METTL21C: variants seen among roughly 807,000 people sequenced by gnomAD.
The protein encoded by METTL21C is protein-lysine methyltransferase METTL21C.
In METTL21C, 21 loss-of-function variants were observed where a neutral mutation model predicts 25.9. That is an observed-to-expected ratio of 0.81 (90% CI 0.58 to 1.17). The LOEUF (loss-of-function observed/expected upper bound fraction) is 1.17, where lower values mean the gene tolerates loss of function less well. METTL21C is among the 50% of genes most tolerant of loss of function. The pLI is 0.00. For missense variants in METTL21C, 312 were observed against 315.1 expected, an observed-to-expected ratio of 0.99 and a Z score of 0.07; for synonymous variants, 125 against 124.7, an observed-to-expected ratio of 1.00 and a Z score of -0.01.
upstream of METTL21C, among the ~76,000 whole-genome samples, chr13:102,699,165 C>A (rs1403565080): frequency 6.6e-6 from 1 of 152,178 alleles, no homozygotes; most frequent in African/African-American, 2.4e-5. Context: ...GCCCTCCTAC[C>A]CTTCTTCTCA....
At chr13:102,688,390 A>T (rs1467702042) in intron 2 of METTL21C, among the ~76,000 whole-genome samples, 1 of 152,226 alleles carries the variant, frequency 6.6e-6, no homozygotes, top group African/African-American at 2.4e-5. Flanking sequence ...TCAGCCAATT[A>T]CAAACTGAAT....
At position 102,694,932 on chromosome 13, in the gene METTL21C, A is replaced by ACACG. The variant is rs1317626739; in HGVS notation, c.-435_-434insCGTG. Among the ~76,000 whole-genome samples, 2 of 150,414 alleles carry ACACG rather than the reference A, an allele frequency of 1.3e-5. No individual in the cohort carries two copies. Among genetic ancestry groups the ACACG allele is most frequent in the African/African-American group, 4.9e-5 (2 of 40,888 alleles). On this transcript the variant is annotated 5_prime_UTR_variant, in exon 1 of 4. It removes the in-frame stop codon of an upstream open reading frame in the 5' UTR. Transcript: ENST00000267273. ...CACACACACACACACACACACACGC[A>ACACG]CAGTCCTAGCAACATTCAATGGAAT...
the METTL21C span, among the ~76,000 whole-genome samples, chr13:102,703,435 T>C: frequency 6.6e-6 from 1 of 152,260 alleles, no homozygotes; most frequent in Non-Finnish European, 1.5e-5. Flanking sequence ...CTTTTTGTTG[T>C]CTTTCATTAC....
chr13:102,702,228 CAGAA>C, the METTL21C span, among the ~76,000 whole-genome samples: 1,243 of 143,402 alleles, frequency 8.7e-3, 16 homozygotes, highest in African/African-American at 0.033. Context: ...GAGAGAGAGA[CAGAA>C]AGAGAGAGAG....
Position 102,694,900 on chromosome 13 carries a change from T to TCACACACACACACACA in METTL21C, c.-418_-403dup, listed in dbSNP as rs55715774. 7.4e-6 allele frequency among the ~76,000 whole-genome samples: 1 copy of TCACACACACACACACA among 135,486 alleles called. No individual in the cohort carries two copies. Among genetic ancestry groups the TCACACACACACACACA allele is most frequent in the Non-Finnish European group, 1.6e-5 (1 of 64,196 alleles). The allele number at this position is 135,486 out of a possible 152,430, so 88.9% of individuals were successfully genotyped here. ...CTCTCTCTCTCTCTCTCTCTCTCTC[T>TCACACACACACACACA]CACACACACACACACACACACACAC... On this transcript the variant is annotated 5_prime_UTR_variant, in exon 1 of 4. It removes the in-frame stop codon of an upstream open reading frame in the 5' UTR. Coordinates refer to ENST00000267273, the MANE Select transcript of METTL21C (RefSeq NM_001010977.3).
Position 102,686,132 on chromosome 13 carries a change from C to A in METTL21C, c.694G>T (p.Glu232Ter). 3.1e-6 allele frequency: 5 copies of A among 1,614,138 alleles called. No individual in the cohort carries two copies. Among genetic ancestry groups the A allele is most frequent in the Non-Finnish European group, 4.2e-6 (5 of 1,179,974 alleles). ...ACTTGCTTGAATTTATCTAAAAATT[C>A]ATAGTCGGTGCTGAACCTGAATTTG... ...ANKFRFSTDY[E>*]FLDKFKQVFD... is the part of the protein sequence containing the mutation. The change falls in exon 4 of 4, where the codon GAA becomes TAA. Residue 232 changes from glutamate to a stop codon, truncating the protein, a stop_gained. Transcript: ENST00000267273. LOFTEE classifies it high-confidence loss of function.
upstream of METTL21C, among the ~76,000 whole-genome samples, chr13:102,699,795 C>T (rs1444661140): frequency 6.8e-6 from 1 of 146,476 alleles, no homozygotes; most frequent in Non-Finnish European, 1.5e-5. Context: ...TCCAGGGCTG[C>T]TGCAATACCC....
chr13:102,702,035 G>C, the METTL21C span, among the ~76,000 whole-genome samples: 1 of 151,856 alleles, frequency 6.6e-6, no homozygotes, highest in East Asian at 1.9e-4. Flanking sequence ...GTGGTGGCGG[G>C]TGCCTGTAGT....
chr13:102,686,927 TAAAC>T lies in METTL21C; in HGVS notation c.400+9_400+12del, dbSNP rs754997840. 1.0e-4 allele frequency: 161 copies of T among 1,595,958 alleles called. No homozygotes were observed. The highest frequency in any genetic ancestry group is 1.3e-4 in the Non-Finnish European group (148 of 1,163,626). ...AAAGATCTGGATACTAGGTCAGGAATAAACAAACAAACCTAAAATACTGGCCACA... is the reference window on the plus strand; with the variant it reads ...AAAGATCTGGATACTAGGTCAGGAATAAACAAACCTAAAATACTGGCCACA... On this transcript the variant is annotated intron_variant, in intron 3 of 3. Transcript: ENST00000267273.
At chr13:102,704,166 G>T in the METTL21C span, among the ~76,000 whole-genome samples, 1 of 152,112 alleles carries the variant, frequency 6.6e-6, no homozygotes, top group African/African-American at 2.4e-5. Flanking sequence ...AATTTTTAAC[G>T]TCAGAGCGCT....
rs1378280479 is a variant in METTL21C, at chr13:102,692,279, C to A, written c.131-1315G>T. On this transcript the variant is annotated intron_variant, in intron 1 of 3. Transcript: ENST00000267273. ...CTTGGGAGAAACCTGGTCAGCAGGG[C>A]ATCCCTCAGGTCGGGGGCAGGGCCT... Among the ~76,000 whole-genome samples the A allele has an allele frequency of 2.8e-5, 4 of 143,862 alleles. No individual in the cohort carries two copies. In the Admixed American group the frequency reaches 2.9e-4, roughly 10 times the overall value. The allele number at this position is 143,862 out of a possible 152,430, so 94.4% of individuals were successfully genotyped here.
intron 2 of METTL21C, among the ~76,000 whole-genome samples, chr13:102,688,015 G>T (rs558580251): frequency 6.0e-4 from 91 of 152,264 alleles, no homozygotes; most frequent in Admixed American, 1.4e-3. Context: ...GTTATGAGAA[G>T]AAATGACAAA....
intron 1 of METTL21C, among the ~76,000 whole-genome samples, chr13:102,692,321 T>C (rs1432894996): frequency 1.3e-5 from 2 of 152,146 alleles, no homozygotes; most frequent in Admixed American, 6.5e-5. Context: ...GTTTCAGGTC[T>C]CACTCATTCC....
chr13:102,693,841 T>C (rs924311671), intron 1 of METTL21C, among the ~76,000 whole-genome samples: 6 of 152,216 alleles, frequency 3.9e-5, no homozygotes, highest in Non-Finnish European at 7.3e-5. Context: ...TTGGGATACA[T>C]TTTTTACCAC....
chr13:102,700,834 G>T, the METTL21C span, among the ~76,000 whole-genome samples: 1 of 152,040 alleles, frequency 6.6e-6, no homozygotes, highest in Non-Finnish European at 1.5e-5. Context: ...CAGCAGGAGA[G>T]GCTGCCCCAT....
chr13:102,697,934 AGAGAGCTCCG>A (rs1885972215), upstream of METTL21C, among the ~76,000 whole-genome samples: 1 of 152,160 alleles, frequency 6.6e-6, no homozygotes, highest in African/African-American at 2.4e-5. Context: ...CTCCAGCTGC[AGAGAGCTCCG>A]GTGGTATTTT....
the METTL21C span, among the ~76,000 whole-genome samples, chr13:102,700,635 G>A: frequency 1.3e-5 from 2 of 152,150 alleles, no homozygotes. Flanking sequence ...GGGATACTCT[G>A]GCAACGACAT....
In METTL21C at chr13:102,686,162, C is replaced by T. The variant is rs1885663573; in HGVS notation, c.664G>A (p.Ala222Thr). ...LSQPGTVLLW[A>T]NKFRFSTDYE... is the part of the protein sequence containing the mutation. Reference sequence around the variant, plus strand: ...TCGGTGCTGAACCTGAATTTGTTTGCCCAAAGCAGCACCGTCCCTGGCTGG... The same window carrying T: ...TCGGTGCTGAACCTGAATTTGTTTGTCCAAAGCAGCACCGTCCCTGGCTGG... Residue 222 changes from alanine (A) to threonine (T), a missense_variant, in exon 4 of 4, where the codon GCA (alanine) becomes ACA (threonine). Coordinates refer to ENST00000267273, the MANE Select transcript of METTL21C (RefSeq NM_001010977.3). The T allele has an allele frequency of 1.2e-6, 2 of 1,614,026 alleles. No individual in the cohort carries two copies. The highest frequency in any genetic ancestry group is 2.7e-5 in the African/African-American group (2 of 74,900).
intron 1 of METTL21C, 74 bp downstream of exon 1, chr13:102,694,295 G>A (rs1885895732): frequency 6.6e-7 from 1 of 1,510,460 alleles, no homozygotes; most frequent in Non-Finnish European, 9.0e-7. Flanking sequence ...TCTTGTCACT[G>A]AAATTTACTT....
Sources: gnomAD v4.1 joint callset for allele counts (sites outside exome capture counted in the v4.1 genomes callset) on GRCh38, gnomAD v4.1.1 for gene constraint, MANE v1.5 for transcripts, NCBI Gene and HGNC (gene_info 2026-07-23, HGNC 2026-07-21) for gene names.